Variants in MAN1C1 observed in about 807,000 individuals in gnomAD.
The protein encoded by MAN1C1 is mannosyl-oligosaccharide 1,2-alpha-mannosidase IC.
Under a neutral mutation model 71.5 loss-of-function variants are expected in MAN1C1, and 49 were observed. The ratio of observed to expected loss-of-function variants is 0.69; its 90% CI spans 0.54 to 0.87. The LOEUF (loss-of-function observed/expected upper bound fraction) is 0.87, where lower values mean the gene tolerates loss of function less well. MAN1C1 is among the 40% of genes least tolerant of loss of function. The pLI, the probability that MAN1C1 is intolerant of heterozygous loss-of-function variation, is 0.00. For synonymous variants in MAN1C1, 352 were observed against 343.7 expected, an observed-to-expected ratio of 1.02 and a Z score of -0.27; for missense variants, 743 against 835.0, an observed-to-expected ratio of 0.89 and a Z score of 1.36.
intron 2 of MAN1C1, among the ~76,000 whole-genome samples, chr1:25,741,885 C>T (rs2047067765): frequency 6.6e-6 from 1 of 152,082 alleles, no homozygotes; most frequent in Admixed American, 6.5e-5. Context: ...GCAAGTGGCC[C>T]ATTTGGGTTG....
At chr1:25,692,849 T>C (rs1290673988) in intron 2 of MAN1C1, among the ~76,000 whole-genome samples, 1 of 152,178 alleles carries the variant, frequency 6.6e-6, no homozygotes, top group African/African-American at 2.4e-5. Flanking sequence ...TCTCTAGGCA[T>C]CATCATTTAT....
At chr1:25,736,479 C>G (rs1386104053) in intron 2 of MAN1C1, among the ~76,000 whole-genome samples, 1 of 152,084 alleles carries the variant, frequency 6.6e-6, no homozygotes, top group Non-Finnish European at 1.5e-5. Flanking sequence ...CTTCCAAACT[C>G]ATCACCATAC....
chr1:25,728,568 A>G (rs3014696), intron 2 of MAN1C1, among the ~76,000 whole-genome samples: 5,276 of 151,990 alleles, frequency 0.035, 305 homozygotes, highest in African/African-American at 0.12. Context: ...TGGTGGGGAG[A>G]GCTCTGTTCC....
rs566526584 is a variant in MAN1C1, at chr1:25,623,995, A to C, written c.540+5658A>C. 8.5e-5 allele frequency among the ~76,000 whole-genome samples: 13 copies of C among 152,352 alleles called. No individual in the cohort carries two copies. In the South Asian group the frequency reaches 1.4e-3, roughly 17 times the overall value. On this transcript the variant is annotated intron_variant, in intron 1 of 11. Coordinates refer to ENST00000374332, the MANE Select transcript of MAN1C1 (RefSeq NM_020379.4). ...TTCCGGTTCTGTGCACCTGCAGTCC[A>C]AAAAGACCAGGATCATTCAAACAAT...
chr1:25,773,811 C>T (rs563362652), intron 8 of MAN1C1, among the ~76,000 whole-genome samples: 7 of 152,292 alleles, frequency 4.6e-5, no homozygotes, highest in Admixed American at 4.6e-4. Context: ...CAGTGAAGAG[C>T]CTGGAGCATC....
intron 1 of MAN1C1, among the ~76,000 whole-genome samples, chr1:25,656,093 G>GTTTTTTTTTTTTTTTTT (rs1557751359): frequency 5.0e-5 from 4 of 79,890 alleles, no homozygotes; most frequent in African/African-American, 4.3e-4. Context: ...GGGATTATCA[G>GTTTTTTTTTTTTTTTTT]TCTTTTTTTT....
At chr1:25,771,813 A>G (rs767488791) in intron 8 of MAN1C1, 41 bp downstream of exon 8, 1 of 1,521,710 alleles carries the variant, frequency 6.6e-7, no homozygotes, top group Non-Finnish European at 9.1e-7. Flanking sequence ...GCTGGTCACC[A>G]GCCCCCGGCT....
chr1:25,642,379 C>T (rs376555005), intron 1 of MAN1C1, among the ~76,000 whole-genome samples: 2 of 152,326 alleles, frequency 1.3e-5, no homozygotes, highest in South Asian at 2.1e-4. Context: ...ACTCTGCAGC[C>T]GTGCTCTGCT....
intron 2 of MAN1C1, among the ~76,000 whole-genome samples, chr1:25,731,174 G>T (rs1572180144): frequency 6.6e-6 from 1 of 152,230 alleles, no homozygotes; most frequent in Non-Finnish European, 1.5e-5. Context: ...GCCAGGCGTG[G>T]TGGCATGCTC....
At chr1:25,659,672 C>CAAA (rs1316570201) in intron 1 of MAN1C1, among the ~76,000 whole-genome samples, 1 of 152,198 alleles carries the variant, frequency 6.6e-6, no homozygotes. Flanking sequence ...CCAGCTTTGC[C>CAAA]AGTGCCCAAA....
intron 1 of MAN1C1, among the ~76,000 whole-genome samples, chr1:25,665,093 G>A (rs1479094498): frequency 6.6e-6 from 1 of 152,162 alleles, no homozygotes; most frequent in Non-Finnish European, 1.5e-5. Flanking sequence ...AACGGTTTCT[G>A]ACAAAGAGGC....
In MAN1C1 at chr1:25,631,798, T is replaced by G. The variant is rs2045384372; in HGVS notation, c.540+13461T>G. Among the ~76,000 whole-genome samples the G allele has an allele frequency of 6.6e-6, 1 of 152,202 alleles. No individual in the cohort carries two copies. Among genetic ancestry groups the G allele is most frequent in the Non-Finnish European group, 1.5e-5 (1 of 68,024 alleles). On this transcript the variant is annotated intron_variant, in intron 1 of 11. Transcript: ENST00000374332. This position sits in a 1 kb window ranked among gnomAD's most constrained non-coding sequence, Gnocchi z 4.2. ...GGGAGGATTTCCTCTTTCTTAATCT[T>G]TTGGAATAGTTTCAGTAGCTGGAGT...
At chr1:25,633,402 C>T (rs533305512) in intron 1 of MAN1C1, among the ~76,000 whole-genome samples, 1 of 151,836 alleles carries the variant, frequency 6.6e-6, no homozygotes, top group Non-Finnish European at 1.5e-5. Flanking sequence ...TATTAAAGTC[C>T]CTCACTCATT....
In MAN1C1 at chr1:25,617,759, T is replaced by A; in HGVS notation, c.-39T>A. On this transcript the variant is annotated 5_prime_UTR_variant, in exon 1 of 12. Coordinates refer to ENST00000374332, the MANE Select transcript of MAN1C1 (RefSeq NM_020379.4). The surrounding 1 kb of genome is among the most constrained non-coding windows in gnomAD (Gnocchi z 5.1). ...CACCGCGCCCCCGCAGACACGTGCC[T>A]GGACTCCGAGGGCTTCTGGAGCCAC... 1 of 1,539,750 alleles carries A rather than the reference T, an allele frequency of 6.5e-7. No individual in the cohort carries two copies. The highest frequency in any genetic ancestry group is 1.2e-5 in the South Asian group (1 of 83,826).
In MAN1C1 at chr1:25,775,265, G is replaced by A. The variant is rs374762292; in HGVS notation, c.1258-2840G>A. Among the ~76,000 whole-genome samples the A allele has an allele frequency of 6.6e-6, 1 of 152,202 alleles. No homozygotes were observed. Among genetic ancestry groups the A allele is most frequent in the East Asian group, 1.9e-4 (1 of 5,192 alleles). ...CATGGCTCTGCCCGGGAGCCAGGCC[G>A]GGCCCAGAGCAGACCCCTGCCTGCA... On this transcript the variant is annotated intron_variant, in intron 8 of 11. Coordinates refer to ENST00000374332, the MANE Select transcript of MAN1C1 (RefSeq NM_020379.4). The surrounding 1 kb of genome is among the most constrained non-coding windows in gnomAD (Gnocchi z 5.1).
chr1:25,686,624 C>T (rs969637356), intron 2 of MAN1C1, 88 bp downstream of exon 2: 7 of 1,135,404 alleles, frequency 6.2e-6, no homozygotes, highest in Non-Finnish European at 8.0e-6. Context: ...CTTTTCACCT[C>T]CTGAGCTGTG....
At chr1:25,714,654 A>T (rs12240029) in intron 2 of MAN1C1, among the ~76,000 whole-genome samples, 2,774 of 152,296 alleles carry the variant, frequency 0.018, 79 homozygotes, top group African/African-American at 0.061. Context: ...TCAGATTAAC[A>T]TTTTAGACTC....
Position 25,781,037 on chromosome 1 carries a change from G to A in MAN1C1, c.1575G>A (p.Val525=). ...GCTACTACATCCTCCGGCCAGAGGT[G>A]GTGGAGAGCTACATGTACCTGTGGC... ...SESYYILRPE[V]VESYMYLWRQ... is the part of the protein sequence containing the mutation. Residue 525 remains valine (V), a synonymous_variant, in exon 10 of 12, where the codon GTG becomes GTA. Transcript: ENST00000374332. The A allele has an allele frequency of 1.2e-6, 2 of 1,614,146 alleles. No individual in the cohort carries two copies. The highest frequency in any genetic ancestry group is 1.7e-6 in the Non-Finnish European group (2 of 1,180,038).
rs2047521478 is a variant in MAN1C1 at position 25,769,782 on chromosome 1, C to T, written c.1142-1875C>T. Among the ~76,000 whole-genome samples the T allele has an allele frequency of 1.3e-5, 2 of 152,352 alleles. No individual in the cohort carries two copies. The highest frequency in any genetic ancestry group is 1.9e-4 in the East Asian group (1 of 5,172). On this transcript the variant is annotated intron_variant, in intron 7 of 11. Coordinates refer to ENST00000374332, the MANE Select transcript of MAN1C1 (RefSeq NM_020379.4). This position sits in a 1 kb window ranked among gnomAD's most constrained non-coding sequence, Gnocchi z 4.8. The stretch of plus-strand genomic sequence containing the variant: ...CACGAGCTAGTGAGGGAGGCAGACC[C>T]GTACGCAGGCACTCATCGCACACCC...
Sources: allele counts gnomAD v4.1 joint callset (sites outside exome capture counted in the v4.1 genomes callset), GRCh38; gene constraint gnomAD v4.1.1; non-coding constraint Gnocchi (gnomAD v3.1); transcripts MANE v1.5; gene names NCBI Gene and HGNC (gene_info 2026-07-23, HGNC 2026-07-21).